TNRC6B: variants seen among roughly 807,000 people sequenced by gnomAD.
TNRC6B encodes trinucleotide repeat containing adaptor 6B, also known as trinucleotide repeat-containing gene 6B protein.
Under a neutral mutation model 203.6 loss-of-function variants are expected in TNRC6B, and 52 were observed. The observed-to-expected ratio is 0.26, with a 90% CI of 0.20 to 0.32. The LOEUF (loss-of-function observed/expected upper bound fraction) is 0.32, where lower values mean the gene tolerates loss of function less well. Ranked by LOEUF, TNRC6B falls within the 10% of genes least tolerant of loss-of-function variation. TNRC6B has a pLI of 1.00. For synonymous variants in TNRC6B, 838 were observed against 845.7 expected, an observed-to-expected ratio of 0.99 and a Z score of 0.16; for missense variants, 1,923 against 2,286.2, an observed-to-expected ratio of 0.84 and a Z score of 3.24.
chr22:40,302,924 G>T (rs1391573693), intron 15 of TNRC6B, among the ~76,000 whole-genome samples: 1 of 152,086 alleles, frequency 6.6e-6, no homozygotes, highest in African/African-American at 2.4e-5. Context: ...TATAGAAGAA[G>T]GTCAGCTCTG....
At chr22:40,318,993 A>G (rs866391865) in intron 21 of TNRC6B, among the ~76,000 whole-genome samples, 136 of 151,480 alleles carry the variant, frequency 9.0e-4, no homozygotes, top group Middle Eastern at 3.4e-3. Flanking sequence ...AATCGCTTGA[A>G]CCCGGGGGTG....
At position 40,208,673 on chromosome 22, in the gene TNRC6B, TATTCCTTA is replaced by T. The variant is rs1172584385; in HGVS notation, c.5+30535_5+30542del. ...GGGGGCTTCTGAGTACCGGAAAGGT[TATTCCTTA>T]AGCTGAGTGGAGGGTATATAAAAGT... On this transcript the variant is annotated intron_variant, in intron 1 of 22. Transcript: ENST00000454349. Among the ~76,000 whole-genome samples, 8 of 152,254 alleles carry T rather than the reference TATTCCTTA, an allele frequency of 5.3e-5. No individual in the cohort carries two copies. In the East Asian group the frequency reaches 1.4e-3, roughly 26 times the overall value.
At chr22:40,192,870 A>T (rs1159703795) in intron 1 of TNRC6B, among the ~76,000 whole-genome samples, 1 of 152,224 alleles carries the variant, frequency 6.6e-6, no homozygotes. Flanking sequence ...ATAACTTGGC[A>T]GGCAGAAATA....
chr22:40,236,115 A>G (rs1334881194), intron 1 of TNRC6B, among the ~76,000 whole-genome samples: 6 of 152,160 alleles, frequency 3.9e-5, no homozygotes, highest in African/African-American at 1.4e-4. Context: ...CCAAATTTTG[A>G]TTTCCCCAGT....
In TNRC6B at chr22:40,261,987, G is replaced by T. The variant is rs1463750749; in HGVS notation, c.271G>T (p.Val91Leu). 6.2e-7 allele frequency: 1 copy of T among 1,611,384 alleles called. No individual in the cohort carries two copies. The part of the protein sequence containing the change: ...PSAARYMPRE[V>L]PPRFRCQQDH... ...CGCCGCCCGCTACATGCCTCGGGAG[G>T]TGCCGCCGCGATTCCGTTGCCAGCA... Residue 91 changes from valine (V) to leucine (L), a missense_variant, in exon 4 of 23, where the codon GTG (valine) becomes TTG (leucine). Coordinates refer to ENST00000454349, the MANE Select transcript of TNRC6B (RefSeq NM_001162501.2).
intron 1 of TNRC6B, among the ~76,000 whole-genome samples, chr22:40,102,465 T>G (rs2068248298): frequency 6.6e-6 from 1 of 152,238 alleles, no homozygotes; most frequent in Non-Finnish European, 1.5e-5. Context: ...AAAGCTGACT[T>G]CTGTCTTAGT....
In TNRC6B at chr22:40,265,635, A is replaced by G. The variant is rs898542626; in HGVS notation, c.1405A>G (p.Lys469Glu). 1.2e-6 allele frequency: 2 copies of G among 1,613,870 alleles called. No individual in the cohort carries two copies. The highest frequency in any genetic ancestry group is 1.7e-6 in the Non-Finnish European group (2 of 1,179,816). The change falls in exon 5 of 23, where the codon AAA (lysine) becomes GAA (glutamate). Residue 469 changes from lysine to glutamate, a missense_variant. Coordinates refer to ENST00000454349, the MANE Select transcript of TNRC6B (RefSeq NM_001162501.2). Reference protein sequence around the residue: ...GASVQKSTGSKNDSWDNNNRS... With the variant: ...GASVQKSTGSENDSWDNNNRS... ...TTCTGTTCAGAAATCAACTGGGTCA[A>G]AAAATGACTCTTGGGACAACAATAA...
intron 3 of TNRC6B, among the ~76,000 whole-genome samples, chr22:40,145,102 TG>T (rs911630552): frequency 1.3e-5 from 2 of 149,132 alleles, no homozygotes; most frequent in African/African-American, 5.0e-5. Context: ...TTTAATTAGC[TG>T]GGTGTGCTGG....
In TNRC6B at chr22:40,310,914, T is replaced by C; in HGVS notation, c.4356T>C (p.Ala1452=). 6.2e-7 allele frequency: 1 copy of C among 1,611,390 alleles called. No individual in the cohort carries two copies. The highest frequency in any genetic ancestry group is 8.5e-7 in the Non-Finnish European group (1 of 1,179,124). The change falls in exon 17 of 23, where the codon GCT becomes GCC. Residue 1452 remains alanine, a synonymous_variant. Transcript: ENST00000454349. ...GDTLGGHTGP[A]GDSWLPAKSP... ...CACTGGGTGGCCATACGGGTCCTGC[T>C]GGTGATAGCTGGTTACCTGCCAAAT...
At chr22:40,162,642 G>T (rs779177903) in intron 4 of TNRC6B, among the ~76,000 whole-genome samples, 1 of 152,084 alleles carries the variant, frequency 6.6e-6, no homozygotes, top group Non-Finnish European at 1.5e-5. Context: ...ACACCATAAG[G>T]TTTTCTCCAG....
chr22:40,254,684 G>A (rs991736041), intron 3 of TNRC6B, among the ~76,000 whole-genome samples: 1 of 152,098 alleles, frequency 6.6e-6, no homozygotes, highest in Admixed American at 6.6e-5. Flanking sequence ...TCAGGAGATC[G>A]AGACCTTCCT....
intron 1 of TNRC6B, among the ~76,000 whole-genome samples, chr22:40,079,173 A>C (rs866034338): frequency 6.6e-6 from 1 of 152,084 alleles, no homozygotes; most frequent in Non-Finnish European, 1.5e-5. Context: ...TTGGCCTCCC[A>C]AAGTGCTGGG....
chr22:40,250,537 A>G (rs553258215), intron 2 of TNRC6B, among the ~76,000 whole-genome samples: 58 of 152,206 alleles, frequency 3.8e-4, no homozygotes, highest in Non-Finnish European at 8.2e-4. Context: ...ACTTCATGCT[A>G]TTTTATATAA....
intron 4 of TNRC6B, among the ~76,000 whole-genome samples, chr22:40,168,348 G>A (rs925685373): frequency 2.0e-5 from 3 of 152,182 alleles, no homozygotes; most frequent in Non-Finnish European, 4.4e-5. Context: ...TTTAGAGGGG[G>A]AAACGCCAAT....
intron 1 of TNRC6B, among the ~76,000 whole-genome samples, chr22:40,115,244 T>C (rs532715869): frequency 6.6e-6 from 1 of 152,330 alleles, no homozygotes; most frequent in South Asian, 2.1e-4. Context: ...GGACTAATGA[T>C]AGATCCAGAG....
At chr22:40,300,663 A>T in intron 13 of TNRC6B, 77 bp downstream of exon 13, 2 of 1,520,058 alleles carry the variant, frequency 1.3e-6, no homozygotes, top group Non-Finnish European at 8.8e-7. Context: ...TTTGCTTCCC[A>T]CATCTTTGCC....
intron 1 of TNRC6B, chr22:40,106,784 CTG>C (rs2068287071): frequency 7.6e-6 from 7 of 918,942 alleles, no homozygotes; most frequent in Non-Finnish European, 1.3e-5. Flanking sequence ...ACCTCTGATC[CTG>C]ATGGCAAATG....
At chr22:40,188,554 C>G (rs935862115) in intron 1 of TNRC6B, among the ~76,000 whole-genome samples, 1 of 152,098 alleles carries the variant, frequency 6.6e-6, no homozygotes, top group Non-Finnish European at 1.5e-5. Flanking sequence ...AGCAGGTGAT[C>G]GCGTGTGCTC....
rs2069665808 is a variant in TNRC6B at position 40,218,399 on chromosome 22, T to A, written c.6-27616T>A. 2.1e-5 allele frequency among the ~76,000 whole-genome samples: 3 copies of A among 142,716 alleles called. No individual in the cohort carries two copies. In the South Asian group the frequency reaches 6.9e-4, roughly 33 times the overall value. 93.6% of individuals were successfully genotyped at this position (142,716 alleles called of 152,430 possible). ...TGGAGTGCAGTGGCATGATCGTGGC[T>A]CTCTGCAGCCTCGACCTCCTGGGCT... On this transcript the variant is annotated intron_variant, in intron 1 of 22. Coordinates refer to ENST00000454349, the MANE Select transcript of TNRC6B (RefSeq NM_001162501.2).
Sources: allele counts gnomAD v4.1 joint callset (sites outside exome capture counted in the v4.1 genomes callset), GRCh38; gene constraint gnomAD v4.1.1; transcripts MANE v1.5; gene names NCBI Gene and HGNC (gene_info 2026-07-23, HGNC 2026-07-21).